The following HEATR5B variants were observed in gnomAD, a reference collection of about 807,000 sequenced individuals.
HEATR5B encodes the protein HEAT repeat containing 5B.
In HEATR5B, 156 loss-of-function variants were observed where a neutral mutation model predicts 224.1. The ratio of observed to expected loss-of-function variants is 0.70; its 90% CI spans 0.61 to 0.80. The LOEUF (loss-of-function observed/expected upper bound fraction) is 0.80. Among genes scored for constraint, HEATR5B ranks in the 30% least tolerant of loss-of-function variants. HEATR5B has a pLI of 0.00. For synonymous variants in HEATR5B, 1,027 were observed against 893.0 expected (o/e 1.15, Z -2.68); for missense variants, 2,323 against 2,535.5 (o/e 0.92, Z 1.80).
rs182827719 is a variant in HEATR5B at position 37,000,176 on chromosome 2, C to T, written c.5545+410G>A. ...CACCGCAACCTCCACCTCCCGGGTT[C>T]AAGCAATTCTCCTGCCTCAGCCTCC... On this transcript the variant is annotated intron_variant, in intron 33 of 35. Transcript: ENST00000233099. Among the ~76,000 whole-genome samples the T allele has an allele frequency of 4.4e-3, 674 of 151,940 alleles. 4 individuals are homozygous for T. The highest frequency in any genetic ancestry group is 5.8e-3 in the Non-Finnish European group (397 of 67,954).
intron 35 of HEATR5B, among the ~76,000 whole-genome samples, chr2:36,986,433 T>C (rs1377763912): frequency 6.6e-6 from 1 of 152,198 alleles, no homozygotes; most frequent in Non-Finnish European, 1.5e-5. Context: ...ATTCTTTTCT[T>C]CTACTGGCAT....
At chr2:37,058,598 G>C (rs765006383) in intron 13 of HEATR5B, 38 bp from the exon 14 acceptor site, 1 of 1,353,278 alleles carries the variant, frequency 7.4e-7, no homozygotes, top group Non-Finnish European at 1.1e-6. Flanking sequence ...TGGCTTACCA[G>C]AATAAGTATT....
intron 33 of HEATR5B, among the ~76,000 whole-genome samples, chr2:36,999,987 G>C (rs1666984038): frequency 6.6e-6 from 1 of 151,794 alleles, no homozygotes; most frequent in Admixed American, 6.6e-5. Flanking sequence ...ACTACAGTCT[G>C]GGTGACGGAG....
At chr2:37,014,046 T>C (rs1156614376) in intron 26 of HEATR5B, 26 bp from the exon 27 acceptor site, 2 of 1,405,196 alleles carry the variant, frequency 1.4e-6, no homozygotes, top group East Asian at 2.5e-5. Context: ...TCAAAAACTT[T>C]TGTGTAAAAA....
chr2:37,004,389 G>T (rs574517332), intron 30 of HEATR5B, among the ~76,000 whole-genome samples: 3 of 150,300 alleles, frequency 2.0e-5, no homozygotes, highest in Non-Finnish European at 4.4e-5. Flanking sequence ...TCTCTAGTTA[G>T]GCTACTCTTG....
intron 24 of HEATR5B, among the ~76,000 whole-genome samples, chr2:37,022,194 T>G (rs1049683650): frequency 3.3e-5 from 5 of 150,242 alleles, no homozygotes; most frequent in African/African-American, 1.2e-4. Flanking sequence ...TTTTTTTTTT[T>G]GAGATGGAGT....
chr2:37,026,308 C>A (rs549570460), intron 24 of HEATR5B, among the ~76,000 whole-genome samples: 1 of 152,234 alleles, frequency 6.6e-6, no homozygotes, highest in African/African-American at 2.4e-5. Flanking sequence ...TGATGTTAGC[C>A]CAGCGAGACT....
At chr2:37,014,090 AC>A (rs1667961803) in intron 26 of HEATR5B, 70 bp from the exon 27 acceptor site, 2 of 857,930 alleles carry the variant, frequency 2.3e-6, no homozygotes, top group African/African-American at 1.7e-5. Flanking sequence ...GGAATAAATG[AC>A]TTTTTTCCTA....
chr2:37,048,210 A>T (rs1003396460), intron 18 of HEATR5B, among the ~76,000 whole-genome samples: 1 of 150,456 alleles, frequency 6.6e-6, no homozygotes, highest in South Asian at 2.1e-4. Context: ...TTTGAGACAG[A>T]GTTTCGCTCT....
chr2:36,992,846 G>A (rs981824697), intron 33 of HEATR5B, among the ~76,000 whole-genome samples: 4 of 151,142 alleles, frequency 2.6e-5, no homozygotes, highest in Non-Finnish European at 5.9e-5. Flanking sequence ...CACCTCAGCC[G>A]CCCGAGGAGG....
At position 37,058,560 on chromosome 2, in the gene HEATR5B, G is replaced by C; in HGVS notation, c.1950C>G (p.His650Gln). 2 of 1,594,272 alleles carry C rather than the reference G, an allele frequency of 1.3e-6. No individual in the cohort carries two copies. The highest frequency in any genetic ancestry group is 1.7e-6 in the Non-Finnish European group (2 of 1,162,350). ...PIECAMTMMS[H>Q]IPSVMKAHGA... ...CATGGGCTTTCATTACAGATGGAAT[G>C]CTAAAATATCAAAAACATAGTTGGT... The change falls in exon 14 of 36, where the codon CAC becomes CAG. Residue 650 changes from histidine to glutamine, a missense_variant and splice_region_variant. This residue lies in a region of HEATR5B where 502 missense variants were observed against 517.8 expected (regional missense o/e 0.97). Coordinates refer to ENST00000233099, the MANE Select transcript of HEATR5B (RefSeq NM_019024.3).
chr2:37,053,300 C>T (rs573036637), intron 17 of HEATR5B, among the ~76,000 whole-genome samples: 1 of 152,280 alleles, frequency 6.6e-6, no homozygotes, highest in East Asian at 1.9e-4. Flanking sequence ...GAAACATAAA[C>T]TTTAACAACA....
At chr2:37,083,210 T>C (rs1372786159) in intron 2 of HEATR5B, 79 bp downstream of exon 2, 1 of 1,522,156 alleles carries the variant, frequency 6.6e-7, no homozygotes, top group Non-Finnish European at 9.1e-7. Context: ...TTCCAAAACA[T>C]AACATGTGTT....
At chr2:37,042,824 A>G (rs1397674722) in intron 18 of HEATR5B, among the ~76,000 whole-genome samples, 1 of 150,772 alleles carries the variant, frequency 6.6e-6, no homozygotes, top group East Asian at 2.0e-4. Context: ...CCAGGGAGGC[A>G]GAGGCTGTAG....
chr2:37,079,211 C>A lies in HEATR5B; in HGVS notation c.247G>T (p.Gly83Trp). Reference sequence around the variant, plus strand: ...GTCTGAAAAACTGTGAAAGTATCCCCAATGCTATAAAGGGCTGCGAGATTT... The same window carrying A: ...GTCTGAAAAACTGTGAAAGTATCCCAAATGCTATAAAGGGCTGCGAGATTT... The part of the protein sequence containing the change: ...AKNLAALYSI[G>W]DTFTVFQTLD... The change falls in exon 3 of 36, where the codon GGG becomes TGG. Residue 83 changes from glycine to tryptophan, a missense_variant. Around this residue, in one of 12 missense-constraint regions of HEATR5B, gnomAD observed 292 missense variants for 332.6 expected, o/e 0.88. Transcript: ENST00000233099. 1 of 1,606,598 alleles carries A rather than the reference C, an allele frequency of 6.2e-7. No homozygotes were observed. Among genetic ancestry groups the A allele is most frequent in the East Asian group, 2.2e-5 (1 of 44,808 alleles).
At chr2:37,054,694 G>T (rs1235526633) in intron 16 of HEATR5B, among the ~76,000 whole-genome samples, 1 of 151,748 alleles carries the variant, frequency 6.6e-6, no homozygotes, top group African/African-American at 2.4e-5. Context: ...TGTTGGCCAG[G>T]CTGGTCTCAA....
chr2:37,079,234 T>G lies in HEATR5B; in HGVS notation c.224A>C (p.Asn75Thr). The G allele has an allele frequency of 6.2e-7, 1 of 1,609,678 alleles. No homozygotes were observed. The highest frequency in any genetic ancestry group is 8.5e-7 in the Non-Finnish European group (1 of 1,176,058). ...CCCAATGCTATAAAGGGCTGCGAGA[T>G]TTTTAGCTAATAATTTTCGTGTAGG... ...GPPTRKLLAKNLAALYSIGDT... is the reference protein window; with the variant it reads ...GPPTRKLLAKTLAALYSIGDT... Residue 75 changes from asparagine (N) to threonine (T), a missense_variant, in exon 3 of 36, where the codon AAT (asparagine) becomes ACT (threonine). Asn to Thr is a moderately conservative substitution (Grantham distance 65). This residue lies in a region of HEATR5B where 292 missense variants were observed against 332.6 expected (regional missense o/e 0.88). Coordinates refer to ENST00000233099, the MANE Select transcript of HEATR5B (RefSeq NM_019024.3).
intron 10 of HEATR5B, among the ~76,000 whole-genome samples, chr2:37,064,476 G>A (rs1267206981): frequency 6.6e-6 from 1 of 151,514 alleles, no homozygotes; most frequent in African/African-American, 2.4e-5. Context: ...GTCTCACTAT[G>A]TTGCCTAGGC....
Position 37,062,393 on chromosome 2 carries a change from G to A in HEATR5B, c.1585-343C>T, listed in dbSNP as rs568011759. Among the ~76,000 whole-genome samples the A allele has an allele frequency of 3.3e-5, 5 of 152,214 alleles. No individual in the cohort carries two copies. The South Asian group carries it at 6.2e-4, about 19-fold the overall frequency. On this transcript the variant is annotated intron_variant, in intron 10 of 35. Coordinates refer to ENST00000233099, the MANE Select transcript of HEATR5B (RefSeq NM_019024.3). ...TGCAGTGAGCAGAGATTGCACTACT[G>A]CACTCCAGCCTGGGTGACAGAGCGA...
Sources: allele counts gnomAD v4.1 joint callset (sites outside exome capture counted in the v4.1 genomes callset), GRCh38; gene constraint gnomAD v4.1.1; regional missense constraint gnomAD v4.1.1; transcripts MANE v1.5; gene names NCBI Gene and HGNC (gene_info 2026-07-23, HGNC 2026-07-21).